The following NPSR1 variants were observed in gnomAD, a reference collection of about 807,000 sequenced individuals.
The protein encoded by NPSR1 is neuropeptide S receptor.
NPSR1 carries 48 observed loss-of-function variants against 46.9 expected under a neutral mutation model. The ratio of observed to expected loss-of-function variants is 1.02; its 90% CI spans 0.81 to 1.30. The LOEUF (loss-of-function observed/expected upper bound fraction) is 1.30, where lower values mean the gene tolerates loss of function less well. NPSR1 is among the 50% of genes most tolerant of loss of function. The pLI is 0.00. For missense variants in NPSR1, 450 were observed against 449.5 expected (o/e 1.00, Z -0.01); for synonymous variants, 176 against 168.1 (o/e 1.05, Z -0.36).
intron 3 of NPSR1, among the ~76,000 whole-genome samples, chr7:34,808,413 A>T (rs1788813070): frequency 6.6e-6 from 1 of 152,178 alleles, no homozygotes. Context: ...ATCTCTATCA[A>T]GGTTAAAAAA....
chr7:34,740,061 C>T (rs556987791), intron 2 of NPSR1, among the ~76,000 whole-genome samples: 3 of 152,128 alleles, frequency 2.0e-5, no homozygotes, highest in African/African-American at 7.2e-5. Flanking sequence ...CTCAGACTCT[C>T]CTTGGGAAGT....
intron 1 of NPSR1, among the ~76,000 whole-genome samples, chr7:34,671,117 G>A (rs990159135): frequency 6.6e-6 from 1 of 151,998 alleles, no homozygotes; most frequent in African/African-American, 2.4e-5. Context: ...CCATAGAATG[G>A]AATATTAAGG....
At chr7:34,687,162 T>C (rs1792978497) in intron 2 of NPSR1, among the ~76,000 whole-genome samples, 2 of 151,976 alleles carry the variant, frequency 1.3e-5, no homozygotes, top group African/African-American at 2.4e-5. Flanking sequence ...TCAGGCTTTT[T>C]TTTTTTTTAA....
intron 3 of NPSR1, among the ~76,000 whole-genome samples, chr7:34,788,326 A>C (rs532378743): frequency 1.3e-5 from 2 of 152,184 alleles, no homozygotes; most frequent in South Asian, 4.1e-4. Context: ...CAACCACAGA[A>C]GAAGACAGGA....
chr7:34,730,107 C>T (rs1784352707), intron 2 of NPSR1, among the ~76,000 whole-genome samples: 1 of 152,174 alleles, frequency 6.6e-6, no homozygotes, highest in Non-Finnish European at 1.5e-5. Context: ...TGATGACTTA[C>T]ATGAAGAAAA....
chr7:34,786,079 A>C (rs1466646949), intron 3 of NPSR1, among the ~76,000 whole-genome samples: 1 of 152,158 alleles, frequency 6.6e-6, no homozygotes, highest in Admixed American at 6.6e-5. Context: ...TACATATAAA[A>C]AATTATCTGT....
downstream of NPSR1, among the ~76,000 whole-genome samples, chr7:34,852,812 C>T (rs141573589): frequency 1.9e-4 from 29 of 152,190 alleles, no homozygotes; most frequent in Middle Eastern, 3.4e-3. Flanking sequence ...AAAAAGTCTA[C>T]GGTTACATTA....
At chr7:34,810,131 G>A (rs555910775) in intron 3 of NPSR1, among the ~76,000 whole-genome samples, 17 of 152,266 alleles carry the variant, frequency 1.1e-4, no homozygotes, top group Non-Finnish European at 1.6e-4. Context: ...AGAACAAAAA[G>A]GCACGAATTC....
At chr7:34,751,898 C>A (rs536817058) in intron 2 of NPSR1, 19 of 1,501,436 alleles carry the variant, frequency 1.3e-5, no homozygotes, top group Non-Finnish European at 1.7e-5. Context: ...CTTTCGGGAC[C>A]GTCTCCCGCA....
chr7:34,813,411 G>A (rs1789088786), intron 4 of NPSR1, among the ~76,000 whole-genome samples: 1 of 152,186 alleles, frequency 6.6e-6, no homozygotes, highest in African/African-American at 2.4e-5. Flanking sequence ...AGTAAGTGCA[G>A]GAACAGGATT....
chr7:34,832,766 T>A (rs966998375), intron 5 of NPSR1, among the ~76,000 whole-genome samples: 2 of 152,190 alleles, frequency 1.3e-5, no homozygotes, highest in Non-Finnish European at 2.9e-5. Flanking sequence ...CCATAAATAT[T>A]TGAATTATTG....
intron 3 of NPSR1, among the ~76,000 whole-genome samples, chr7:34,780,998 G>A (rs571420328): frequency 2.0e-5 from 3 of 152,244 alleles, no homozygotes; most frequent in African/African-American, 7.2e-5. Context: ...TGAGTAATGA[G>A]ATATCCATAG....
At chr7:34,747,659 C>A (rs560275050) in intron 2 of NPSR1, among the ~76,000 whole-genome samples, 1 of 152,110 alleles carries the variant, frequency 6.6e-6, no homozygotes, top group Non-Finnish European at 1.5e-5. Context: ...CACCCACGCA[C>A]GCATGTGACT....
At chr7:34,688,206 A>T (rs1793035508) in intron 2 of NPSR1, among the ~76,000 whole-genome samples, 1 of 152,216 alleles carries the variant, frequency 6.6e-6, no homozygotes, top group Non-Finnish European at 1.5e-5. Flanking sequence ...GTGCAAAAAT[A>T]AATCTTCTTT....
At chr7:34,739,694 G>A (rs559185208) in intron 2 of NPSR1, among the ~76,000 whole-genome samples, 19 of 152,230 alleles carry the variant, frequency 1.2e-4, no homozygotes, top group African/African-American at 3.1e-4. Context: ...TCTAGCCACC[G>A]AGCAGGTCTA....
Position 34,827,646 on chromosome 7 carries a change from G to C in NPSR1, c.680+44G>C, listed in dbSNP as rs1335100375. ...AGGACCACACGGGGGGGTGGGGCGG[G>C]GGGGGCTTTCCTGTTTCTCCAGCTG... On this transcript the variant is annotated intron_variant, in intron 5 of 8. Transcript: ENST00000360581. The C allele has an allele frequency of 1.3e-5, 10 of 753,546 alleles. 1 individual carries two copies. The highest frequency in any genetic ancestry group is 5.1e-5 in the African/African-American group (3 of 59,300). The allele number at this position is 753,546 out of a possible 1,614,324, so 46.7% of individuals were successfully genotyped here.
chr7:34,790,139 A>T (rs1422729697), intron 3 of NPSR1, among the ~76,000 whole-genome samples: 1 of 152,102 alleles, frequency 6.6e-6, no homozygotes, highest in Admixed American at 6.6e-5. Context: ...ACTAGCAAAC[A>T]TATTTCAATA....
chr7:34,677,264 C>T (rs1031655945), intron 1 of NPSR1, among the ~76,000 whole-genome samples: 3 of 152,212 alleles, frequency 2.0e-5, no homozygotes, highest in South Asian at 2.1e-4. Context: ...TAGGCAGAAA[C>T]TTCATTTCTG....
In NPSR1 at chr7:34,849,704, G is replaced by C; in HGVS notation, c.*49G>C. 1.9e-6 allele frequency: 3 copies of C among 1,603,704 alleles called. No individual in the cohort carries two copies. Among genetic ancestry groups the C allele is most frequent in the Non-Finnish European group, 2.6e-6 (3 of 1,174,652 alleles). ...GGCTGAGCACCATCAGCTCTCCCAG[G>C]TCCTTGTCACCTGCTTGGGCACGTG... On this transcript the variant is annotated 3_prime_UTR_variant, in exon 9 of 9. Coordinates refer to ENST00000360581, the MANE Select transcript of NPSR1 (RefSeq NM_207172.2).
Sources: gnomAD v4.1 joint callset for allele counts (sites outside exome capture counted in the v4.1 genomes callset) on GRCh38, gnomAD v4.1.1 for gene constraint, MANE v1.5 for transcripts, NCBI Gene and HGNC (gene_info 2026-07-23, HGNC 2026-07-21) for gene names.